Variants in RIN2 observed in about 807,000 individuals in gnomAD.
RIN2 encodes Ras and Rab interactor 2, also known as RAB5 interacting protein 2.
In RIN2, 36 loss-of-function variants were observed where a neutral mutation model predicts 78.0. The observed-to-expected ratio is 0.46, with a 90% CI of 0.35 to 0.61. The LOEUF (loss-of-function observed/expected upper bound fraction) is 0.61, where lower values mean the gene tolerates loss of function less well. Ranked by LOEUF, RIN2 falls within the 20% of genes least tolerant of loss-of-function variation. The pLI, the probability that RIN2 is intolerant of heterozygous loss-of-function variation, is 0.00. For missense variants in RIN2, 1,087 were observed against 1,159.7 expected (o/e 0.94, Z 0.91); for synonymous variants, 466 against 466.8 (o/e 1.00, Z 0.02).
At chr20:19,853,379 C>G (rs1350138790) in intron 2 of RIN2, among the ~76,000 whole-genome samples, 15 of 152,086 alleles carry the variant, frequency 9.9e-5, no homozygotes, top group African/African-American at 2.4e-4. Flanking sequence ...ATGATTTATA[C>G]TCCTTTGGGT....
chr20:19,928,642 A>G (rs1824588935), intron 3 of RIN2, among the ~76,000 whole-genome samples: 1 of 152,278 alleles, frequency 6.6e-6, no homozygotes, highest in South Asian at 2.1e-4. Context: ...GGCCTTCTCC[A>G]GTTATTCTCT....
intron 2 of RIN2, among the ~76,000 whole-genome samples, chr20:19,842,187 C>T (rs921285402): frequency 5.4e-5 from 8 of 147,176 alleles, no homozygotes; most frequent in Non-Finnish European, 1.2e-4. Context: ...TATGACAGCA[C>T]ATCTGCTTTT....
chr20:19,902,669 T>G (rs2123649188), intron 3 of RIN2, among the ~76,000 whole-genome samples: 1 of 152,170 alleles, frequency 6.6e-6, no homozygotes, highest in Non-Finnish European at 1.5e-5. Flanking sequence ...CTAAGGAAGG[T>G]GGGGTTGCAG....
intron 2 of RIN2, among the ~76,000 whole-genome samples, chr20:19,842,528 C>T (rs1229449106): frequency 6.6e-6 from 1 of 151,630 alleles, no homozygotes; most frequent in Admixed American, 6.6e-5. Flanking sequence ...AGGCGTAAGC[C>T]ACTGCACCCA....
intron 2 of RIN2, among the ~76,000 whole-genome samples, chr20:19,803,738 T>C (rs1403959434): frequency 1.3e-5 from 2 of 152,262 alleles, no homozygotes; most frequent in Non-Finnish European, 2.9e-5. Flanking sequence ...GTGAAGAATG[T>C]CAATGGTAGT....
In RIN2 at chr20:19,956,794, C is replaced by T. The variant is rs1131691814; in HGVS notation, c.338C>T (p.Ala113Val). The T allele has an allele frequency of 1.3e-6, 2 of 1,586,178 alleles. No homozygotes were observed. The highest frequency in any genetic ancestry group is 1.7e-4 in the Middle Eastern group (1 of 5,992). Residue 113 changes from alanine (A) to valine (V), a missense_variant, in exon 5 of 13, where the codon GCC becomes GTC. Ala to Val is a moderately conservative substitution (Grantham distance 64, BLOSUM62 0). This residue lies in a region of RIN2 where 706 missense variants were observed against 667.5 expected (regional missense o/e 1.06). Coordinates refer to ENST00000255006, the MANE Select transcript of RIN2 (RefSeq NM_018993.4). Reference protein sequence around the residue: ...SEEEAAEVLQAQPPGIFLVHK... With the variant: ...SEEEAAEVLQVQPPGIFLVHK... ...GAGGAGGCAGCAGAGGTCCTGCAGG[C>T]CCAGCCTCCGGGGGTAAGACTCAGA...
chr20:19,874,246 ACTC>A (rs1292795729), intron 2 of RIN2, among the ~76,000 whole-genome samples: 1 of 152,178 alleles, frequency 6.6e-6, no homozygotes, highest in African/African-American at 2.4e-5. Context: ...AGTGTCAATG[ACTC>A]AACATTACAT....
intron 2 of RIN2, among the ~76,000 whole-genome samples, chr20:19,853,329 G>A (rs1400947424): frequency 1.3e-5 from 2 of 152,072 alleles, no homozygotes; most frequent in Non-Finnish European, 2.9e-5. Context: ...TGTGAATAAT[G>A]CTGCAATAAA....
At chr20:19,760,038 T>C (rs553293418) in intron 1 of RIN2, among the ~76,000 whole-genome samples, 14 of 152,228 alleles carry the variant, frequency 9.2e-5, no homozygotes, top group Non-Finnish European at 1.5e-4. Context: ...AGAGCTTTTA[T>C]TAACTTTTTA....
chr20:19,833,641 ATC>A (rs2036317918), intron 2 of RIN2, among the ~76,000 whole-genome samples: 2 of 152,218 alleles, frequency 1.3e-5, no homozygotes. Flanking sequence ...AACAGAAGGT[ATC>A]TCTATATGAG....
At chr20:19,972,385 A>C (rs1307091231) in intron 8 of RIN2, among the ~76,000 whole-genome samples, 1 of 152,178 alleles carries the variant, frequency 6.6e-6, no homozygotes, top group Non-Finnish European at 1.5e-5. Flanking sequence ...GAAGGACTAA[A>C]GTGTCAAGGA....
At chr20:19,776,257 C>T (rs1262790886) in intron 1 of RIN2, among the ~76,000 whole-genome samples, 1 of 152,184 alleles carries the variant, frequency 6.6e-6, no homozygotes, top group Non-Finnish European at 1.5e-5. Context: ...AACATCAACA[C>T]AGAAACCTTA....
chr20:19,774,306 A>T (rs1187758223), intron 1 of RIN2, among the ~76,000 whole-genome samples: 2 of 152,236 alleles, frequency 1.3e-5, no homozygotes, highest in Non-Finnish European at 2.9e-5. Context: ...ATGGAGTTGC[A>T]TAAAGAACTC....
At chr20:19,833,283 T>TATA (rs1568794573) in intron 2 of RIN2, among the ~76,000 whole-genome samples, 15 of 150,932 alleles carry the variant, frequency 9.9e-5, no homozygotes, top group African/African-American at 3.7e-4. Flanking sequence ...TAGATATAGG[T>TATA]TATATATATA....
At chr20:19,861,111 C>G (rs1286046901) in intron 2 of RIN2, among the ~76,000 whole-genome samples, 2 of 152,180 alleles carry the variant, frequency 1.3e-5, no homozygotes, top group African/African-American at 4.8e-5. Flanking sequence ...TCAGCAGAGT[C>G]AATCAAGAAT....
chr20:19,865,125 G>A (rs1281785868), intron 2 of RIN2, among the ~76,000 whole-genome samples: 1 of 152,158 alleles, frequency 6.6e-6, no homozygotes, highest in Non-Finnish European at 1.5e-5. Flanking sequence ...AATTTCCATG[G>A]TGTAAATAAA....
chr20:19,842,387 C>CA (rs779821646), intron 2 of RIN2, among the ~76,000 whole-genome samples: 1 of 46,208 alleles, frequency 2.2e-5, no homozygotes, highest in African/African-American at 7.2e-5. Context: ...CCATCCCTGG[C>CA]TTTTTTTTTT....
intron 2 of RIN2, among the ~76,000 whole-genome samples, chr20:19,808,190 G>A (rs910981): frequency 0.99 from 150,158 of 152,368 alleles, 74,005 homozygotes; most frequent in East Asian, 1. Flanking sequence ...TGCCTTATGC[G>A]TGCCGTTAAG....
intron 9 of RIN2, among the ~76,000 whole-genome samples, chr20:19,976,770 C>G (rs1013816246): frequency 6.6e-6 from 1 of 152,126 alleles, no homozygotes; most frequent in Non-Finnish European, 1.5e-5. Context: ...CCAATTTTTT[C>G]TTTCTGATTG....
Sources: allele counts gnomAD v4.1 joint callset (sites outside exome capture counted in the v4.1 genomes callset), GRCh38; gene constraint gnomAD v4.1.1; regional missense constraint gnomAD v4.1.1; transcripts MANE v1.5; gene names NCBI Gene and HGNC (gene_info 2026-07-23, HGNC 2026-07-21).